The following TIMM23 variants were observed in gnomAD, a reference collection of about 807,000 sequenced individuals.
TIMM23 encodes the protein translocase of inner mitochondrial membrane 23, also known as mitochondrial import inner membrane translocase subunit Tim23.
In TIMM23, 19 loss-of-function variants were observed where a neutral mutation model predicts 30.7. That is an observed-to-expected ratio of 0.62 (90% CI 0.43 to 0.91). The LOEUF is 0.91. Among genes scored for constraint, TIMM23 ranks in the 40% least tolerant of loss-of-function variants. TIMM23 has a pLI of 0.00. For missense variants in TIMM23, 202 were observed against 269.2 expected, an observed-to-expected ratio of 0.75 and a Z score of 1.75; for synonymous variants, 78 against 98.5, an observed-to-expected ratio of 0.79 and a Z score of 1.23.
intron 2 of TIMM23, among the ~76,000 whole-genome samples, chr10:45,981,513 G>A (rs1369427241): frequency 3.9e-5 from 6 of 151,980 alleles, no homozygotes; most frequent in Admixed American, 6.6e-5. Context: ...TGTGATGAGA[G>A]TGGATGTGTT....
Position 45,972,587 on chromosome 10 carries a change from G to A in TIMM23, c.-38G>A. The A allele has an allele frequency of 6.2e-7, 1 of 1,605,700 alleles. No homozygotes were observed. Among genetic ancestry groups the A allele is most frequent in the East Asian group, 2.2e-5 (1 of 44,658 alleles). On this transcript the variant is annotated 5_prime_UTR_variant, in exon 1 of 7. Transcript: ENST00000580018. ...ACGGCCCAGCGGACCACCCAGGCTT[G>A]AGGCAGCGGCGGGAACCACTCGGTT...
intron 2 of TIMM23, among the ~76,000 whole-genome samples, chr10:45,981,882 A>G (rs1837857729): frequency 6.6e-6 from 1 of 152,150 alleles, no homozygotes; most frequent in Non-Finnish European, 1.5e-5. Flanking sequence ...CAAAATTGGT[A>G]ACCATATTTT....
chr10:45,975,037 A>G (rs1359204985), intron 1 of TIMM23, among the ~76,000 whole-genome samples: 1 of 152,164 alleles, frequency 6.6e-6, no homozygotes, highest in Non-Finnish European at 1.5e-5. Context: ...ACATGTACAC[A>G]GTCAGAAAAC....
At chr10:45,992,623 T>C (rs1217906079) in intron 6 of TIMM23, 2 of 420,824 alleles carry the variant, frequency 4.8e-6, no homozygotes, top group Non-Finnish European at 9.3e-6. Flanking sequence ...AGTGGCACAA[T>C]CTTGGCTCAT....
intron 2 of TIMM23, among the ~76,000 whole-genome samples, chr10:45,981,359 A>G (rs1837839010): frequency 6.8e-6 from 1 of 146,048 alleles, no homozygotes; most frequent in South Asian, 2.2e-4. Context: ...TGAATCTAGC[A>G]TTTCTAAAAA....
rs1837521412 is a variant in TIMM23, at chr10:45,972,566, C to A, written c.-59C>A. On this transcript the variant is annotated 5_prime_UTR_variant, in exon 1 of 7. Coordinates refer to ENST00000580018, the MANE Select transcript of TIMM23 (RefSeq NM_006327.4). ...ACCCGCTGTTATTGAGGAGTAACGG[C>A]CCAGCGGACCACCCAGGCTTGAGGC... 1 of 1,577,402 alleles carries A rather than the reference C, an allele frequency of 6.3e-7. No homozygotes were observed.
At position 45,988,731 on chromosome 10, in the gene TIMM23, C is replaced by G. The variant is rs1346321777; in HGVS notation, c.404-6C>G. The stretch of plus-strand genomic sequence containing the variant: ...TTGTCACTGAGCACTTCCATTTCCT[C>G]TTTAGCTTTGCTCTATAGTGCATTT... On this transcript the variant is annotated splice_region_variant and splice_polypyrimidine_tract_variant and intron_variant, in intron 5 of 6. Transcript: ENST00000580018. 873 of 1,613,750 alleles carry G rather than the reference C, an allele frequency of 5.4e-4. 8 individuals carry two copies. In the East Asian group the frequency reaches 0.017, roughly 31 times the overall value.
At chr10:45,996,467 A>G (rs1838336243) in intron 6 of TIMM23, among the ~76,000 whole-genome samples, 1 of 150,112 alleles carries the variant, frequency 6.7e-6, no homozygotes, top group South Asian at 2.1e-4. Flanking sequence ...TTGGGGTATG[A>G]TGATTATCAA....
At chr10:45,986,088 A>G (rs1445802546) in intron 5 of TIMM23, among the ~76,000 whole-genome samples, 4 of 152,190 alleles carry the variant, frequency 2.6e-5, no homozygotes, top group Admixed American at 6.5e-5. Flanking sequence ...GAAAATCTCA[A>G]TTTAAATTGT....
chr10:45,992,411 G>C, intron 6 of TIMM23: 1 of 455,956 alleles, frequency 2.2e-6, no homozygotes, highest in Non-Finnish European at 4.4e-6. Context: ...GTTTTTGACA[G>C]TTTCTAAACC....
chr10:45,984,279 CCT>C (rs2132257467), intron 4 of TIMM23, among the ~76,000 whole-genome samples: 1 of 152,242 alleles, frequency 6.6e-6, no homozygotes, highest in African/African-American at 2.4e-5. Context: ...ATTTCCTTCT[CCT>C]CTCCCATCTT....
chr10:45,999,453 G>A lies in TIMM23; in HGVS notation c.515-3750G>A, dbSNP rs1016365369. Among the ~76,000 whole-genome samples the A allele has an allele frequency of 3.6e-4, 55 of 152,210 alleles. 1 individual carries two copies. The highest frequency in any genetic ancestry group is 8.3e-4 in the South Asian group (4 of 4,824). On this transcript the variant is annotated intron_variant, in intron 6 of 6. Transcript: ENST00000580018. ...AGAGAAATTTTAAAGCTGGGCATCC[G>A]GGGGAGACATCACATGTCGGTAGGT... is the stretch of plus-strand genomic sequence containing the variant.
At chr10:46,002,717 T>C (rs1838582837) in intron 6 of TIMM23, among the ~76,000 whole-genome samples, 1 of 151,888 alleles carries the variant, frequency 6.6e-6, no homozygotes, top group Non-Finnish European at 1.5e-5. Flanking sequence ...TTAAGTCATA[T>C]GTATTACACA....
chr10:45,976,904 T>G (rs1837690248), intron 2 of TIMM23, among the ~76,000 whole-genome samples: 1 of 152,220 alleles, frequency 6.6e-6, no homozygotes, highest in Admixed American at 6.5e-5. Flanking sequence ...CTGTTAAAAC[T>G]AATGATCGAG....
At chr10:45,977,980 A>G (rs34447531) in intron 2 of TIMM23, among the ~76,000 whole-genome samples, 1 of 152,102 alleles carries the variant, frequency 6.6e-6, no homozygotes, top group Non-Finnish European at 1.5e-5. Context: ...GCGGTGAGCC[A>G]AGATCGCGCC....
chr10:46,000,002 A>G (rs10822298), intron 6 of TIMM23, among the ~76,000 whole-genome samples: 37,544 of 152,114 alleles, frequency 0.25, 5,516 homozygotes, highest in South Asian at 0.52. Flanking sequence ...CTGGCGGTCA[A>G]AGTTTAAGGT....
chr10:45,974,459 G>T (rs1554912556), intron 1 of TIMM23, among the ~76,000 whole-genome samples: 2 of 152,206 alleles, frequency 1.3e-5, no homozygotes, highest in South Asian at 2.1e-4. Flanking sequence ...AAATTTGGCA[G>T]GTTTAAGGAA....
chr10:45,972,790 G>A (rs1735442225), intron 1 of TIMM23, 60 bp downstream of exon 1: 2 of 1,598,724 alleles, frequency 1.3e-6, no homozygotes, highest in South Asian at 2.2e-5. Context: ...ACACTAAGTT[G>A]CGCGTCCCAT....
At chr10:45,980,367 G>C (rs1363805935) in intron 2 of TIMM23, among the ~76,000 whole-genome samples, 1 of 151,876 alleles carries the variant, frequency 6.6e-6, no homozygotes, top group Admixed American at 6.6e-5. Context: ...CCAAAGTGCT[G>C]GGATTACAAG....
Sources: allele counts gnomAD v4.1 joint callset (sites outside exome capture counted in the v4.1 genomes callset), GRCh38; gene constraint gnomAD v4.1.1; transcripts MANE v1.5; gene names NCBI Gene and HGNC (gene_info 2026-07-23, HGNC 2026-07-21).